DOCK1: variants seen among roughly 807,000 people sequenced by gnomAD.
The protein encoded by DOCK1 is dedicator of cytokinesis protein 1.
Under a neutral mutation model 262.7 loss-of-function variants are expected in DOCK1, and 138 were observed. That is an observed-to-expected ratio of 0.53 (90% CI 0.46 to 0.61). DOCK1 has a LOEUF of 0.61. Ranked by LOEUF, DOCK1 falls within the 20% of genes least tolerant of loss-of-function variation. The pLI is 0.00. For missense variants in DOCK1, 1,908 were observed against 2,370.7 expected, an observed-to-expected ratio of 0.80 and a Z score of 4.05; for synonymous variants, 866 against 867.4, an observed-to-expected ratio of 1.00 and a Z score of 0.03.
intron 22 of DOCK1, 99 bp from the exon 23 acceptor site, chr10:127,061,569 C>G (rs556277583): frequency 2.9e-4 from 298 of 1,017,360 alleles, no homozygotes; most frequent in Non-Finnish European, 3.2e-4. Context: ...CTCATTCTAA[C>G]TTGTCACCCA....
intron 1 of DOCK1, among the ~76,000 whole-genome samples, chr10:126,925,748 G>A (rs1171240488): frequency 1.3e-5 from 2 of 150,948 alleles, no homozygotes; most frequent in Non-Finnish European, 3.0e-5. Context: ...GTGTGTGTGT[G>A]TGTGTGTGTG....
At chr10:126,945,221 C>T (rs1013384946) in intron 1 of DOCK1, among the ~76,000 whole-genome samples, 1 of 152,032 alleles carries the variant, frequency 6.6e-6, no homozygotes, top group Non-Finnish European at 1.5e-5. Flanking sequence ...AAGGTGTCCA[C>T]GGGGGACAGA....
chr10:127,118,429 T>C (rs546836711), intron 25 of DOCK1, among the ~76,000 whole-genome samples: 2 of 152,308 alleles, frequency 1.3e-5, no homozygotes, highest in South Asian at 4.1e-4. Flanking sequence ...ACTAACAGAG[T>C]AATGGAAGTT....
intron 29 of DOCK1, among the ~76,000 whole-genome samples, chr10:127,271,259 A>G (rs2060557735): frequency 6.6e-6 from 1 of 152,186 alleles, no homozygotes; most frequent in Non-Finnish European, 1.5e-5. Context: ...CATGCTTGCT[A>G]TGTGGAAGCT....
chr10:126,958,485 A>G (rs2036926654), intron 1 of DOCK1, among the ~76,000 whole-genome samples: 1 of 152,180 alleles, frequency 6.6e-6, no homozygotes. Context: ...ATTTTGGCAC[A>G]ATGGGTATTC....
At chr10:127,417,337 GCTGAGCTGGAGGGCA>G (rs1240924813) in intron 44 of DOCK1, among the ~76,000 whole-genome samples, 1 of 152,222 alleles carries the variant, frequency 6.6e-6, no homozygotes, top group Non-Finnish European at 1.5e-5. Context: ...GCACCTTAGG[GCTGAGCTGGAGGGCA>G]CTGGGCTGGG....
At chr10:127,073,619 T>C (rs2046355197) in intron 23 of DOCK1, among the ~76,000 whole-genome samples, 1 of 152,236 alleles carries the variant, frequency 6.6e-6, no homozygotes, top group Non-Finnish European at 1.5e-5. Flanking sequence ...CTTTTTTGTC[T>C]AATAGTCTTC....
At position 127,343,740 on chromosome 10, in the gene DOCK1, T is replaced by G; in HGVS notation, c.3218T>G (p.Leu1073Arg). 6.2e-7 allele frequency: 1 copy of G among 1,605,056 alleles called. No individual in the cohort carries two copies. Among genetic ancestry groups the G allele is most frequent in the South Asian group, 1.1e-5 (1 of 88,710 alleles). ...TCAAGTGCCAAGAGAGCCAAAATCC[T>G]TAACAAGTAAGTTCTCATCTAGCTC... ...NFSSAKRAKILNKYGDMRRQI... is the reference protein window; with the variant it reads ...NFSSAKRAKIRNKYGDMRRQI... The change falls in exon 31 of 52, where the codon CTT (leucine) becomes CGT (arginine). Residue 1073 changes from leucine (L) to arginine (R), a missense_variant. By Grantham distance (102) the Leu-to-Arg change is moderately radical (BLOSUM62 -2). This residue lies in a region of DOCK1 where 518 missense variants were observed against 575.1 expected (regional missense o/e 0.90). Transcript: ENST00000623213.
At chr10:126,991,460 A>T (rs2135013168) in intron 6 of DOCK1, among the ~76,000 whole-genome samples, 1 of 151,684 alleles carries the variant, frequency 6.6e-6, no homozygotes, top group East Asian at 1.9e-4. Flanking sequence ...GAATCCCAAG[A>T]CCTACCCCTT....
At position 126,914,985 on chromosome 10, in the gene DOCK1, G is replaced by T. The variant is rs538808084; in HGVS notation, c.46+9422G>T. Among the ~76,000 whole-genome samples the T allele has an allele frequency of 2.0e-4, 31 of 152,244 alleles. No individual in the cohort carries two copies. In the East Asian group the frequency reaches 2.7e-3, roughly 13 times the overall value. On this transcript the variant is annotated intron_variant, in intron 1 of 51. Coordinates refer to ENST00000623213, the MANE Select transcript of DOCK1 (RefSeq NM_001290223.2). The stretch of plus-strand genomic sequence containing the variant: ...GTGCATAGATTTTCTTTCTGGCCTG[G>T]TCTGGGGGTGGTGCCCATCCCTTCT...
intron 29 of DOCK1, among the ~76,000 whole-genome samples, chr10:127,259,789 ATTT>A (rs10534535): frequency 0.011 from 1,641 of 144,944 alleles, 16 homozygotes; most frequent in Middle Eastern, 0.047. Context: ...TTAGTTCATG[ATTT>A]TTTTTTTTTT....
chr10:127,374,784 C>T (rs1414604341), intron 35 of DOCK1, among the ~76,000 whole-genome samples: 1 of 152,178 alleles, frequency 6.6e-6, no homozygotes, highest in African/African-American at 2.4e-5. Context: ...AAGATGGAGG[C>T]AGAGATTGGA....
intron 13 of DOCK1, among the ~76,000 whole-genome samples, chr10:127,022,299 A>G (rs1390194388): frequency 6.6e-6 from 1 of 151,554 alleles, no homozygotes; most frequent in African/African-American, 2.4e-5. Context: ...CCCTGATTCT[A>G]GGCTGGTGAT....
chr10:127,419,624 TGCTGAGCAGGTGC>T, intron 45 of DOCK1, 29 bp from the exon 46 acceptor site: 2 of 1,555,286 alleles, frequency 1.3e-6, no homozygotes, highest in Non-Finnish European at 8.7e-7. Context: ...AACCTGTGTT[TGCTGAGCAGGTGC>T]ACTGAGCAAC....
rs2035780602 is a variant in DOCK1 at position 126,948,386 on chromosome 10, T to C, written c.47-22316T>C. 2.6e-5 allele frequency among the ~76,000 whole-genome samples: 2 copies of C among 76,684 alleles called. 1 individual carries two copies. The highest frequency in any genetic ancestry group is 1.1e-4 in the African/African-American group (2 of 17,864). 50.3% of individuals were successfully genotyped at this position (76,684 alleles called of 152,430 possible). A position where few individuals can be genotyped will look rare whatever the true frequency, so the allele number is the denominator to read the frequency against. ...TTGGTAGTATTACTGTTGGTGGTGA[T>C]GGTGGTGGTTGGTAGTATTACTGTT... On this transcript the variant is annotated intron_variant, in intron 1 of 51. Coordinates refer to ENST00000623213, the MANE Select transcript of DOCK1 (RefSeq NM_001290223.2).
chr10:127,431,422 C>G lies in DOCK1; in HGVS notation c.4915-1861C>G, dbSNP rs543121247. Among the ~76,000 whole-genome samples the G allele has an allele frequency of 3.3e-5, 5 of 152,350 alleles. No homozygotes were observed. The South Asian group carries it at 1.0e-3, about 32-fold the overall frequency. ...ACCCCCTTCCTTTATTCCTTGAAAT[C>G]CATACTCACACATCTCAACCAAGAC... On this transcript the variant is annotated intron_variant, in intron 47 of 51. Transcript: ENST00000623213.
chr10:126,921,552 G>C (rs994325261), intron 1 of DOCK1, among the ~76,000 whole-genome samples: 5 of 152,180 alleles, frequency 3.3e-5, no homozygotes, highest in Admixed American at 2.6e-4. Flanking sequence ...CGGGACTAGG[G>C]GAGGGCGTGA....
intron 13 of DOCK1, among the ~76,000 whole-genome samples, chr10:127,019,946 G>T (rs926241650): frequency 6.6e-6 from 1 of 152,214 alleles, no homozygotes; most frequent in African/African-American, 2.4e-5. Flanking sequence ...TGGCTATTCA[G>T]GGTGCATGCT....
At chr10:127,397,867 G>A (rs78529470) in intron 38 of DOCK1, among the ~76,000 whole-genome samples, 4,094 of 152,068 alleles carry the variant, frequency 0.027, 180 homozygotes, top group African/African-American at 0.093. Context: ...TGGGTAGTGG[G>A]TGCTGCATGT....
Sources: gnomAD v4.1 joint callset for allele counts (sites outside exome capture counted in the v4.1 genomes callset) on GRCh38, gnomAD v4.1.1 for gene constraint, gnomAD v4.1.1 regional missense constraint, MANE v1.5 for transcripts, NCBI Gene and HGNC (gene_info 2026-07-23, HGNC 2026-07-21) for gene names.